The following SFMBT1 variants were observed in gnomAD, a reference collection of about 807,000 sequenced individuals.
The protein encoded by SFMBT1 is scm-like with four MBT domains protein 1.
In SFMBT1, 32 loss-of-function variants were observed where a neutral mutation model predicts 108.7. That is an observed-to-expected ratio of 0.29 (90% CI 0.22 to 0.40). The LOEUF is 0.40. Ranked by LOEUF, SFMBT1 falls within the 10% of genes least tolerant of loss-of-function variation. The pLI, the probability that SFMBT1 is intolerant of heterozygous loss-of-function variation, is 1.00. For missense variants in SFMBT1, 816 were observed against 1,059.6 expected, an observed-to-expected ratio of 0.77 and a Z score of 3.19; for synonymous variants, 348 against 369.5, an observed-to-expected ratio of 0.94 and a Z score of 0.67.
intron 1 of SFMBT1, among the ~76,000 whole-genome samples, chr3:52,981,166 A>G (rs1290507228): frequency 2.1e-5 from 2 of 93,658 alleles, no homozygotes; most frequent in Non-Finnish European, 5.5e-5. Flanking sequence ...CCATCTCAGA[A>G]AAAAAAAAAA....
intron 2 of SFMBT1, among the ~76,000 whole-genome samples, chr3:52,968,487 G>GT (rs1704221599): frequency 6.6e-6 from 1 of 152,044 alleles, no homozygotes; most frequent in African/African-American, 2.4e-5. Context: ...AAATATGTCA[G>GT]TAAGTACTAT....
At chr3:53,037,726 C>A (rs1001518925) in intron 1 of SFMBT1, among the ~76,000 whole-genome samples, 2 of 152,156 alleles carry the variant, frequency 1.3e-5, no homozygotes, top group Non-Finnish European at 2.9e-5. Context: ...GTAATCCCAG[C>A]ACTTTGGGAA....
intron 1 of SFMBT1, among the ~76,000 whole-genome samples, chr3:52,997,037 C>G (rs1167506349): frequency 6.7e-6 from 1 of 149,470 alleles, no homozygotes; most frequent in Non-Finnish European, 1.5e-5. Context: ...CCACTGCACT[C>G]CAGCCTGGGC....
chr3:52,926,190 T>G, intron 9 of SFMBT1, 77 bp from the exon 10 acceptor site: 2 of 1,299,616 alleles, frequency 1.5e-6, no homozygotes, highest in Non-Finnish European at 2.2e-6. Context: ...TCACCAAGGG[T>G]CCACTCACAA....
intron 1 of SFMBT1, among the ~76,000 whole-genome samples, chr3:53,026,029 T>A (rs902921660): frequency 2.0e-5 from 3 of 152,246 alleles, no homozygotes; most frequent in Admixed American, 2.0e-4. Context: ...TGTAAGCACA[T>A]TGCTTCAGAA....
chr3:53,000,165 T>C (rs1224802645), intron 1 of SFMBT1, among the ~76,000 whole-genome samples: 1 of 150,054 alleles, frequency 6.7e-6, no homozygotes, highest in African/African-American at 2.4e-5. Context: ...CCCAGCCTAC[T>C]CTTACATTTT....
chr3:53,042,605 A>G (rs1190359295), intron 1 of SFMBT1, among the ~76,000 whole-genome samples: 1 of 152,208 alleles, frequency 6.6e-6, no homozygotes, highest in African/African-American at 2.4e-5. Context: ...AGCCTCCCAA[A>G]GTGCTGGGAT....
intron 1 of SFMBT1, among the ~76,000 whole-genome samples, chr3:52,990,167 C>T (rs1054756324): frequency 2.5e-4 from 38 of 152,142 alleles, no homozygotes; most frequent in African/African-American, 4.8e-5. Flanking sequence ...AAAACATCAT[C>T]ATAAAGGTAA....
At chr3:53,005,698 A>T (rs1698715462) in intron 1 of SFMBT1, among the ~76,000 whole-genome samples, 1 of 152,162 alleles carries the variant, frequency 6.6e-6, no homozygotes, top group South Asian at 2.1e-4. Flanking sequence ...AACACACAAC[A>T]TGTGTTTCAG....
chr3:52,979,380 T>G (rs1401841592), intron 1 of SFMBT1, among the ~76,000 whole-genome samples: 2 of 152,188 alleles, frequency 1.3e-5, no homozygotes, highest in Non-Finnish European at 2.9e-5. Context: ...AAACAGGTGT[T>G]CCTAATCAGT....
intron 1 of SFMBT1, among the ~76,000 whole-genome samples, chr3:53,018,840 T>G (rs916928365): frequency 6.6e-6 from 1 of 152,218 alleles, no homozygotes; most frequent in Non-Finnish European, 1.5e-5. Flanking sequence ...ACTACTCTCC[T>G]GGTTTTCCTT....
At chr3:52,919,799 C>T (rs1409224185) in intron 12 of SFMBT1, among the ~76,000 whole-genome samples, 2 of 152,222 alleles carry the variant, frequency 1.3e-5, no homozygotes, top group Admixed American at 6.5e-5. Context: ...CCAGCCAACA[C>T]CCAGCAAGGA....
rs970354727 is a variant in SFMBT1, at chr3:52,907,565, C to A, written c.2075G>T (p.Gly692Val). 1.2e-6 allele frequency: 2 copies of A among 1,612,664 alleles called. No individual in the cohort carries two copies. Among genetic ancestry groups the A allele is most frequent in the Non-Finnish European group, 8.5e-7 (1 of 1,179,478 alleles). Residue 692 changes from glycine to valine, a missense_variant, in exon 18 of 21, where the codon GGC (glycine) becomes GTC (valine). Gly to Val is a moderately radical substitution (Grantham distance 109, BLOSUM62 -3). Coordinates refer to ENST00000394752, the MANE Select transcript of SFMBT1 (RefSeq NM_016329.4). ...TCACAGATCTCATACCTGGGGAGAG[C>A]CCGCTGGGGTATTATCAACAGATGC... ...SSASVDNTPA[G>V]SPQGSGGEDE... is the part of the protein sequence containing the mutation.
chr3:52,969,762 G>T (rs1028323536), intron 1 of SFMBT1, among the ~76,000 whole-genome samples: 3 of 152,110 alleles, frequency 2.0e-5, no homozygotes, highest in Admixed American at 6.6e-5. Context: ...ATTATAAAGA[G>T]AATTCCTCCA....
intron 3 of SFMBT1, 105 bp from the exon 4 acceptor site, chr3:52,943,698 T>A: frequency 7.0e-7 from 1 of 1,422,252 alleles, no homozygotes; most frequent in Admixed American, 1.8e-5. Flanking sequence ...CTAAATGCAA[T>A]AACATCTCAA....
intron 2 of SFMBT1, among the ~76,000 whole-genome samples, chr3:52,958,201 T>TA (rs901940382): frequency 6.6e-6 from 1 of 151,310 alleles, no homozygotes; most frequent in African/African-American, 2.4e-5. Flanking sequence ...GCAACAAACA[T>TA]AAAAAAAAGC....
chr3:52,907,086 T>C lies in SFMBT1; in HGVS notation c.2314A>G (p.Lys772Glu). The change falls in exon 19 of 21, where the codon AAA becomes GAA. Residue 772 changes from lysine (K) to glutamate (E), a missense_variant. Lys to Glu is a moderately conservative substitution (Grantham distance 56). Coordinates refer to ENST00000394752, the MANE Select transcript of SFMBT1 (RefSeq NM_016329.4). Reference sequence around the variant, plus strand: ...AATGGTACCTTTGGTGAAGGAGGTTTATTTTCATCGTCAGAAAATGAAAAG... The same window carrying C: ...AATGGTACCTTTGGTGAAGGAGGTTCATTTTCATCGTCAGAAAATGAAAAG... ...RTFSFSDDEN[K>E]PPSPKEIRIE... The C allele has an allele frequency of 6.2e-7, 1 of 1,612,256 alleles. No homozygotes were observed. Among genetic ancestry groups the C allele is most frequent in the Non-Finnish European group, 8.5e-7 (1 of 1,179,482 alleles).
chr3:52,923,010 A>G (rs79809973), intron 10 of SFMBT1, among the ~76,000 whole-genome samples: 2,621 of 152,312 alleles, frequency 0.017, 71 homozygotes, highest in African/African-American at 0.059. Flanking sequence ...ATTCCACCCT[A>G]TAGGAAAGTT....
intron 1 of SFMBT1, among the ~76,000 whole-genome samples, chr3:52,971,437 G>C (rs901327106): frequency 2.0e-5 from 3 of 151,674 alleles, no homozygotes; most frequent in African/African-American, 7.3e-5. Flanking sequence ...AAAGAAACTT[G>C]AGAGTGATGT....
Sources: gnomAD v4.1 joint callset for allele counts (sites outside exome capture counted in the v4.1 genomes callset) on GRCh38, gnomAD v4.1.1 for gene constraint, MANE v1.5 for transcripts, NCBI Gene and HGNC (gene_info 2026-07-23, HGNC 2026-07-21) for gene names.